Variants in UNC13C observed in about 807,000 individuals in gnomAD.
The protein encoded by UNC13C is protein unc-13 homolog C.
In UNC13C, 174 loss-of-function variants were observed where a neutral mutation model predicts 245.4. That is an observed-to-expected ratio of 0.71 (90% CI 0.63 to 0.80). The LOEUF is 0.80. Ranked by LOEUF, UNC13C falls within the 30% of genes least tolerant of loss-of-function variation. The pLI is 0.00. For missense variants in UNC13C, 2,829 were observed against 2,602.9 expected (o/e 1.09, Z -1.89); for synonymous variants, 992 against 895.1 (o/e 1.11, Z -1.93).
intron 17 of UNC13C, among the ~76,000 whole-genome samples, chr15:54,378,875 C>A (rs1198363124): frequency 6.6e-6 from 1 of 151,866 alleles, no homozygotes; most frequent in Non-Finnish European, 1.5e-5. Context: ...ATTCAAGGAA[C>A]AATTTTGAGA....
intron 17 of UNC13C, among the ~76,000 whole-genome samples, chr15:54,353,215 A>T (rs2039022692): frequency 6.6e-6 from 1 of 152,216 alleles, no homozygotes; most frequent in Non-Finnish European, 1.5e-5. Flanking sequence ...ACATTAAAAA[A>T]ATTATTAGAC....
intron 2 of UNC13C, among the ~76,000 whole-genome samples, chr15:54,117,618 G>T (rs1342355820): frequency 6.9e-6 from 1 of 144,430 alleles, no homozygotes; most frequent in Non-Finnish European, 1.5e-5. Context: ...GTCTCACTCT[G>T]TTGCCCAAGC....
At chr15:54,485,650 C>G (rs959521220) in intron 19 of UNC13C, among the ~76,000 whole-genome samples, 4 of 152,224 alleles carry the variant, frequency 2.6e-5, no homozygotes, top group Admixed American at 1.3e-4. Flanking sequence ...GAAAATGTCT[C>G]AGTCATGGGT....
At chr15:54,087,583 G>T (rs1221877812) in intron 2 of UNC13C, among the ~76,000 whole-genome samples, 2 of 152,120 alleles carry the variant, frequency 1.3e-5, no homozygotes, top group African/African-American at 2.4e-5. Context: ...GTCCACAGAT[G>T]GGCATATTAC....
chr15:54,300,943 A>G lies in UNC13C; in HGVS notation c.4268+570A>G, dbSNP rs1392018991. ...TAAAACAAAGATTTATTTAGCACCC[A>G]TAGAACGCAAACAGTATAAAAAATG... On this transcript the variant is annotated intron_variant, in intron 13 of 32. Coordinates refer to ENST00000260323, the MANE Select transcript of UNC13C (RefSeq NM_001080534.3). 2.6e-5 allele frequency among the ~76,000 whole-genome samples: 4 copies of G among 152,116 alleles called. 1 individual carries two copies. Among genetic ancestry groups the G allele is most frequent in the Non-Finnish European group, 5.9e-5 (4 of 68,032 alleles).
At chr15:54,185,051 T>G (rs1008697313) in intron 4 of UNC13C, among the ~76,000 whole-genome samples, 3 of 152,184 alleles carry the variant, frequency 2.0e-5, no homozygotes, top group African/African-American at 7.2e-5. Flanking sequence ...TGTTTTTTGG[T>G]GGCATAAATG....
intron 11 of UNC13C, among the ~76,000 whole-genome samples, chr15:54,294,378 G>A (rs183941734): frequency 6.6e-6 from 1 of 152,142 alleles, no homozygotes; most frequent in East Asian, 1.9e-4. Flanking sequence ...CCAAATACAT[G>A]CGAAACAAAT....
At chr15:54,498,498 A>C (rs995565973) in intron 20 of UNC13C, among the ~76,000 whole-genome samples, 1 of 152,176 alleles carries the variant, frequency 6.6e-6, no homozygotes, top group Non-Finnish European at 1.5e-5. Flanking sequence ...AAAATATGGC[A>C]TATCCAATTT....
At position 54,408,199 on chromosome 15, in the gene UNC13C, C is replaced by CAAAAA. The variant is rs71105808; in HGVS notation, c.4848-6757_4848-6753dup. On this transcript the variant is annotated intron_variant, in intron 18 of 32. Transcript: ENST00000260323. ...TGGGTGACAGAGTGAGACTCTGCCTCAAAAAAAAAAAAAAAAAAAAAAAAA... is the reference window on the plus strand; with the variant it reads ...TGGGTGACAGAGTGAGACTCTGCCTCAAAAAAAAAAAAAAAAAAAAAAAAAAAAAA... Among the ~76,000 whole-genome samples, 146 of 29,114 alleles carry CAAAAA rather than the reference C, an allele frequency of 5.0e-3. 25 individuals carry two copies. The highest frequency in any genetic ancestry group is 9.7e-3 in the East Asian group (9 of 924). 19.1% of individuals were successfully genotyped at this position (29,114 alleles called of 152,430 possible).
At position 54,204,371 on chromosome 15, in the gene UNC13C, T is replaced by C. The variant is rs572885844; in HGVS notation, c.3072-30659T>C. On this transcript the variant is annotated intron_variant, in intron 4 of 32. Coordinates refer to ENST00000260323, the MANE Select transcript of UNC13C (RefSeq NM_001080534.3). ...TACATACTGTCAATAAAGATAAATA[T>C]AATTCAATAAAAAAGAATTTGCGAT... 3.4e-5 allele frequency among the ~76,000 whole-genome samples: 5 copies of C among 146,092 alleles called. No individual in the cohort carries two copies. In the South Asian group the frequency reaches 1.1e-3, roughly 32 times the overall value.
At chr15:54,239,229 T>C (rs2035787624) in intron 7 of UNC13C, among the ~76,000 whole-genome samples, 1 of 152,182 alleles carries the variant, frequency 6.6e-6, no homozygotes, top group South Asian at 2.1e-4. Flanking sequence ...CTCATTCCCT[T>C]CCTTCTTCTT....
the UNC13C span, among the ~76,000 whole-genome samples, chr15:53,866,646 A>T: frequency 7.5e-3 from 1,137 of 152,304 alleles, 7 homozygotes; most frequent in Non-Finnish European, 9.6e-3. Flanking sequence ...CTGAGCAGTA[A>T]ATCCAATCCA....
intron 2 of UNC13C, among the ~76,000 whole-genome samples, chr15:54,017,595 A>G (rs1435690948): frequency 6.6e-6 from 1 of 152,092 alleles, no homozygotes; most frequent in Non-Finnish European, 1.5e-5. Context: ...ATGTTAGGCA[A>G]TATCATAAAT....
intron 18 of UNC13C, among the ~76,000 whole-genome samples, chr15:54,413,073 T>C (rs2040446668): frequency 6.6e-6 from 1 of 152,154 alleles, no homozygotes; most frequent in African/African-American, 2.4e-5. Flanking sequence ...GTAAATTATG[T>C]TGATTCATTT....
intron 17 of UNC13C, among the ~76,000 whole-genome samples, chr15:54,375,430 T>G (rs1429288178): frequency 6.6e-6 from 1 of 152,208 alleles, no homozygotes; most frequent in Non-Finnish European, 1.5e-5. Context: ...CTTGACTGAA[T>G]CTGTGACTTG....
intron 28 of UNC13C, among the ~76,000 whole-genome samples, chr15:54,553,377 A>G (rs2141192900): frequency 7.8e-6 from 1 of 128,630 alleles, no homozygotes; most frequent in Admixed American, 9.2e-5. Flanking sequence ...TAATTATATT[A>G]TATTATGTAT....
intron 7 of UNC13C, among the ~76,000 whole-genome samples, chr15:54,245,555 A>T (rs2035969618): frequency 1.3e-5 from 2 of 152,160 alleles, no homozygotes; most frequent in Admixed American, 6.5e-5. Flanking sequence ...GTTTTATAGG[A>T]TGATTACTTA....
chr15:53,871,331 ATTTTATAAC>A, the UNC13C span, among the ~76,000 whole-genome samples: 1 of 152,060 alleles, frequency 6.6e-6, no homozygotes, highest in African/African-American at 2.4e-5. Flanking sequence ...CCTATGTAAT[ATTTTATAAC>A]TTCTTAACTC....
At chr15:54,113,129 T>A (rs911070177) in intron 2 of UNC13C, among the ~76,000 whole-genome samples, 2 of 152,044 alleles carry the variant, frequency 1.3e-5, no homozygotes, top group Non-Finnish European at 2.9e-5. Flanking sequence ...CCAACCTACA[T>A]CTTACCCCTT....
Sources: allele counts gnomAD v4.1 joint callset (sites outside exome capture counted in the v4.1 genomes callset), GRCh38; gene constraint gnomAD v4.1.1; transcripts MANE v1.5; gene names NCBI Gene and HGNC (gene_info 2026-07-23, HGNC 2026-07-21).